The following ZBTB49 variants were observed in gnomAD, a reference collection of about 807,000 sequenced individuals.
The protein encoded by ZBTB49 is zinc finger and BTB domain-containing protein 49.
A neutral mutation model predicts 57.5 loss-of-function variants in ZBTB49; 43 were observed. That is an observed-to-expected ratio of 0.75 (90% CI 0.59 to 0.97). The LOEUF is 0.97. ZBTB49 is among the 50% of genes least tolerant of loss of function. The pLI is 0.00. For synonymous variants in ZBTB49, 369 were observed against 362.1 expected, an observed-to-expected ratio of 1.02 and a Z score of -0.22; for missense variants, 938 against 947.7, an observed-to-expected ratio of 0.99 and a Z score of 0.13.
intron 1 of ZBTB49, among the ~76,000 whole-genome samples, chr4:4,291,901 C>G (rs908699992): frequency 2.6e-5 from 4 of 152,332 alleles, no homozygotes; most frequent in Admixed American, 2.6e-4. Context: ...GAGGCCGAGG[C>G]AGGCAGCTCC....
Position 4,299,810 on chromosome 4 carries a change from TGAGA to T in ZBTB49, c.-19-112_-19-109del, listed in dbSNP as rs1553803869. 1,371 of 607,802 alleles carry T rather than the reference TGAGA, an allele frequency of 2.3e-3. 12 individuals are homozygous for T. Among genetic ancestry groups the T allele is most frequent in the African/African-American group, 0.022 (1,204 of 54,584 alleles). The allele number at this position is 607,802 out of a possible 1,614,324, so 37.7% of individuals were successfully genotyped here. ...GTGTGTGTGTGTGTGTGTGTGTGTG[TGAGA>T]GAGAAACTGTGATGAGAGAGTGAAG... On this transcript the variant is annotated intron_variant, in intron 1 of 7. Transcript: ENST00000337872.
At chr4:4,294,588 T>C (rs1288917834) in intron 1 of ZBTB49, among the ~76,000 whole-genome samples, 1 of 152,072 alleles carries the variant, frequency 6.6e-6, no homozygotes, top group Non-Finnish European at 1.5e-5. Context: ...CTCGTAGCCT[T>C]AGGTGATCCG....
rs192628997 is a variant in ZBTB49 at position 4,306,066 on chromosome 4, G to A, written c.1256-72G>A. The A allele has an allele frequency of 8.3e-6, 11 of 1,317,768 alleles. No homozygotes were observed. In the East Asian group the frequency reaches 2.3e-4, roughly 28 times the overall value. The allele number at this position is 1,317,768 out of a possible 1,614,324, so 81.6% of individuals were successfully genotyped here. On this transcript the variant is annotated intron_variant, in intron 3 of 7. Coordinates refer to ENST00000337872, the MANE Select transcript of ZBTB49 (RefSeq NM_145291.4). ...ATGCCATTTTGAAAGTACATAGGAG[G>A]TCATTTAAACAAAAAATTATTGAAC... is the stretch of plus-strand genomic sequence containing the variant.
At chr4:4,306,768 C>A (rs1443843827) in intron 4 of ZBTB49, among the ~76,000 whole-genome samples, 1 of 152,188 alleles carries the variant, frequency 6.6e-6, no homozygotes, top group African/African-American at 2.4e-5. Context: ...TAGAAAATGG[C>A]TTGTGGGAAC....
At chr4:4,299,631 A>G (rs775357411) in intron 1 of ZBTB49, among the ~76,000 whole-genome samples, 5 of 152,202 alleles carry the variant, frequency 3.3e-5, no homozygotes, top group Non-Finnish European at 7.3e-5. Flanking sequence ...TATAAATTAC[A>G]ATTTCAATCC....
At position 4,302,169 on chromosome 4, in the gene ZBTB49, T is replaced by C; in HGVS notation, c.333T>C (p.Ser111=). ...AQCLQVQNVL[S]LCHTFLKSAT... is the part of the protein sequence containing the mutation. ...GTTTGCAAGTTCAAAATGTTCTGAG[T>C]CTGTGTCACACATTTTTAAAATCAG... Residue 111 remains serine, a synonymous_variant, in exon 3 of 8, where the codon AGT becomes AGC. Transcript: ENST00000337872. 2 of 1,614,262 alleles carry C rather than the reference T, an allele frequency of 1.2e-6. No homozygotes were observed. Among genetic ancestry groups the C allele is most frequent in the Non-Finnish European group, 1.7e-6 (2 of 1,180,050 alleles).
chr4:4,312,290 C>G (rs1721009515), intron 4 of ZBTB49, among the ~76,000 whole-genome samples: 1 of 152,132 alleles, frequency 6.6e-6, no homozygotes, highest in African/African-American at 2.4e-5. Context: ...GAAACATTAG[C>G]AATTAGCTTT....
chr4:4,303,587 G>A (rs1379866948), intron 3 of ZBTB49, among the ~76,000 whole-genome samples: 4 of 152,160 alleles, frequency 2.6e-5, no homozygotes, highest in Non-Finnish European at 5.9e-5. Flanking sequence ...GAGTCAGGAA[G>A]TAAACTTTTT....
At chr4:4,294,547 G>A (rs1370488050) in intron 1 of ZBTB49, among the ~76,000 whole-genome samples, 1 of 152,054 alleles carries the variant, frequency 6.6e-6, no homozygotes, top group Non-Finnish European at 1.5e-5. Context: ...AGTGGAGATG[G>A]TTTCTTCGTG....
At chr4:4,318,001 A>C (rs2920198) in intron 7 of ZBTB49, among the ~76,000 whole-genome samples, 151,774 of 152,322 alleles carry the variant, frequency 1, 75,617 homozygotes, top group Middle Eastern at 1. Flanking sequence ...ATGCCTCTGT[A>C]CAGTGGGTGG....
intron 4 of ZBTB49, among the ~76,000 whole-genome samples, chr4:4,306,993 C>T (rs1720761895): frequency 6.6e-6 from 1 of 152,356 alleles, no homozygotes; most frequent in Non-Finnish European, 1.5e-5. Flanking sequence ...TTGGAAATGG[C>T]AAGCGCCGTG....
At chr4:4,317,878 G>C (rs2044152) in intron 7 of ZBTB49, among the ~76,000 whole-genome samples, 2,790 of 152,246 alleles carry the variant, frequency 0.018, 51 homozygotes, top group East Asian at 0.071. Context: ...TTTCCGTTCA[G>C]CTGGCGTCTT....
At chr4:4,291,158 A>G (rs1364713754) in intron 1 of ZBTB49, among the ~76,000 whole-genome samples, 2 of 152,234 alleles carry the variant, frequency 1.3e-5, no homozygotes, top group East Asian at 3.8e-4. Context: ...TTAGTTTGCT[A>G]GGACTGCAAA....
At chr4:4,294,972 T>G (rs1720125097) in intron 1 of ZBTB49, among the ~76,000 whole-genome samples, 1 of 151,722 alleles carries the variant, frequency 6.6e-6, no homozygotes, top group Admixed American at 6.6e-5. Context: ...GACTCCAGTG[T>G]TTGGGGGCCA....
intron 4 of ZBTB49, among the ~76,000 whole-genome samples, chr4:4,307,345 T>C (rs945357454): frequency 3.3e-5 from 5 of 152,204 alleles, no homozygotes; most frequent in African/African-American, 4.8e-5. Flanking sequence ...CCTCCGCTTC[T>C]TCCTGCCAGC....
intron 2 of ZBTB49, among the ~76,000 whole-genome samples, chr4:4,300,573 TATA>T (rs1285666108): frequency 2.0e-5 from 3 of 152,074 alleles, no homozygotes; most frequent in Non-Finnish European, 4.4e-5. Context: ...AAGAAAACCT[TATA>T]ATCATTTTGG....
In ZBTB49 at chr4:4,302,580, C is replaced by T; in HGVS notation, c.744C>T (p.Asp248=). 6.2e-7 allele frequency: 1 copy of T among 1,613,996 alleles called. No individual in the cohort carries two copies. The highest frequency in any genetic ancestry group is 1.3e-5 in the African/African-American group (1 of 75,032). ...CTTTTGCTTTCAGCACCTCTACAGA[C>T]CTTACCACGGTAGAGAGCCAGCCTT... The part of the protein sequence containing the change: ...EQPFAFSTST[D]LTTVESQPCA... The change falls in exon 3 of 8, where the codon GAC becomes GAT. Residue 248 remains aspartate, a synonymous_variant. Coordinates refer to ENST00000337872, the MANE Select transcript of ZBTB49 (RefSeq NM_145291.4).
intron 5 of ZBTB49, among the ~76,000 whole-genome samples, chr4:4,314,149 G>A (rs961151178): frequency 1.3e-5 from 2 of 152,194 alleles, no homozygotes; most frequent in African/African-American, 4.8e-5. Context: ...AAAAGCTGCG[G>A]CGGGCAGCGC....
chr4:4,316,443 A>G (rs968957330), intron 7 of ZBTB49, among the ~76,000 whole-genome samples: 3 of 152,210 alleles, frequency 2.0e-5, no homozygotes, highest in African/African-American at 4.8e-5. Flanking sequence ...CCTCGGTTTC[A>G]GGGCACCTGA....
Sources: gnomAD v4.1 joint callset for allele counts (sites outside exome capture counted in the v4.1 genomes callset) on GRCh38, gnomAD v4.1.1 for gene constraint, MANE v1.5 for transcripts, NCBI Gene and HGNC (gene_info 2026-07-23, HGNC 2026-07-21) for gene names.